Variants in ABLIM3 observed in about 807,000 individuals in gnomAD.
ABLIM3 encodes the protein actin binding LIM protein family member 3.
A neutral mutation model predicts 109.5 loss-of-function variants in ABLIM3; 61 were observed. The ratio of observed to expected loss-of-function variants is 0.56; its 90% CI spans 0.45 to 0.69. ABLIM3 has a LOEUF of 0.69. ABLIM3 is among the 30% of genes least tolerant of loss of function. The probability of loss-of-function intolerance (pLI) is 0.00; values close to 1 mark genes in which losing one functional copy is unlikely to be tolerated. For missense variants in ABLIM3, 796 were observed against 889.5 expected (o/e 0.89, Z 1.34); for synonymous variants, 300 against 324.8 (o/e 0.92, Z 0.82).
intron 6 of ABLIM3, among the ~76,000 whole-genome samples, chr5:149,209,389 C>T (rs1262982828): frequency 6.6e-6 from 1 of 152,198 alleles, no homozygotes; most frequent in Admixed American, 6.5e-5. Flanking sequence ...CCTATGTGAC[C>T]TTGGCAAGGG....
At chr5:149,197,468 A>AT (rs747616192) in intron 3 of ABLIM3, among the ~76,000 whole-genome samples, 3 of 152,030 alleles carry the variant, frequency 2.0e-5, no homozygotes, top group Non-Finnish European at 2.9e-5. Flanking sequence ...GATATGGGAC[A>AT]TTTTTTCTAT....
Position 149,259,627 on chromosome 5 carries a change from C to A in ABLIM3, c.*1223C>A, listed in dbSNP as rs547814840. 6.6e-7 allele frequency: 1 copy of A among 1,522,742 alleles called. No individual in the cohort carries two copies. Among genetic ancestry groups the A allele is most frequent in the East Asian group, 2.4e-5 (1 of 40,834 alleles). 94.3% of individuals were successfully genotyped at this position (1,522,742 alleles called of 1,614,324 possible). A position where few individuals can be genotyped will look rare whatever the true frequency, so the allele number is the denominator to read the frequency against. On this transcript the variant is annotated 3_prime_UTR_variant, in exon 24 of 24. Coordinates refer to ENST00000309868, the MANE Select transcript of ABLIM3 (RefSeq NM_014945.5). ...ACCGCTCATGGCCATCCTGGATTTTCCCAGTGGCTTCCCTTCCTGCTCGCC... is the reference window on the plus strand; with the variant it reads ...ACCGCTCATGGCCATCCTGGATTTTACCAGTGGCTTCCCTTCCTGCTCGCC...
intron 18 of ABLIM3, among the ~76,000 whole-genome samples, chr5:149,248,506 A>C (rs571607244): frequency 7.9e-5 from 12 of 152,108 alleles, no homozygotes; most frequent in African/African-American, 2.7e-4. Flanking sequence ...CCTGGCTAAC[A>C]TGGTGAAACC....
chr5:149,197,698 A>C (rs184303163), intron 3 of ABLIM3, among the ~76,000 whole-genome samples: 1 of 152,138 alleles, frequency 6.6e-6, no homozygotes, highest in Non-Finnish European at 1.5e-5. Flanking sequence ...AATCATGCAC[A>C]TAGGAAGTAC....
chr5:149,170,607 C>A (rs1472450312), intron 2 of ABLIM3, among the ~76,000 whole-genome samples: 1 of 152,168 alleles, frequency 6.6e-6, no homozygotes, highest in African/African-American at 2.4e-5. Flanking sequence ...ATGTCCACTA[C>A]ATTTGTGGGT....
chr5:149,258,464 G>A lies in ABLIM3; in HGVS notation c.*60G>A, dbSNP rs1581264406. The A allele has an allele frequency of 1.3e-6, 2 of 1,535,778 alleles. No individual in the cohort carries two copies. Among genetic ancestry groups the A allele is most frequent in the East Asian group, 2.5e-5 (1 of 40,470 alleles). On this transcript the variant is annotated 3_prime_UTR_variant, in exon 24 of 24. Coordinates refer to ENST00000309868, the MANE Select transcript of ABLIM3 (RefSeq NM_014945.5). ...AAGATATATGTAAAATCTCTCTACT[G>A]AAGCTCGGTATAATCCTCTCTTGTG...
intron 2 of ABLIM3, chr5:149,177,141 A>T (rs1206040036): frequency 6.6e-6 from 1 of 152,240 alleles, no homozygotes; most frequent in Non-Finnish European, 1.5e-5. Flanking sequence ...CCTGGCACTG[A>T]GGTGTAATGG....
intron 14 of ABLIM3, among the ~76,000 whole-genome samples, chr5:149,241,412 A>G (rs574033920): frequency 8.6e-4 from 131 of 152,350 alleles, no homozygotes; most frequent in African/African-American, 3.0e-3. Flanking sequence ...GAGAGAGGCC[A>G]GGCTAGATGG....
chr5:149,169,098 C>T (rs537720995), intron 2 of ABLIM3, among the ~76,000 whole-genome samples: 2 of 129,034 alleles, frequency 1.5e-5, no homozygotes, highest in South Asian at 5.1e-4. Flanking sequence ...CCCCCACCCC[C>T]CGTCTCACCC....
At chr5:149,150,170 A>G (rs1753298655) in intron 2 of ABLIM3, among the ~76,000 whole-genome samples, 1 of 152,168 alleles carries the variant, frequency 6.6e-6, no homozygotes, top group South Asian at 2.1e-4. Flanking sequence ...AAGCAGGCAG[A>G]ACGGATCTGG....
At chr5:149,165,711 T>A (rs1754759809) in intron 2 of ABLIM3, among the ~76,000 whole-genome samples, 1 of 152,200 alleles carries the variant, frequency 6.6e-6, no homozygotes, top group African/African-American at 2.4e-5. Context: ...TTCTCCCTGC[T>A]CACTCATTCT....
chr5:149,233,369 G>A lies in ABLIM3; in HGVS notation c.888+69G>A, dbSNP rs1762051310. 18 of 1,485,500 alleles carry A rather than the reference G, an allele frequency of 1.2e-5. No individual in the cohort carries two copies. In the South Asian group the frequency reaches 2.0e-4, roughly 17 times the overall value. The allele number at this position is 1,485,500 out of a possible 1,614,324, so 92.0% of individuals were successfully genotyped here. A position where few individuals can be genotyped will look rare whatever the true frequency, so the allele number is the denominator to read the frequency against. On this transcript the variant is annotated intron_variant, in intron 10 of 23. Transcript: ENST00000309868. ...GACCTGGTATATAAAGAGTCACTAA[G>A]GATAAGGGAGCTCTCAAGTTTTCAT...
chr5:149,231,123 C>A (rs769009825), intron 9 of ABLIM3, among the ~76,000 whole-genome samples: 11 of 152,162 alleles, frequency 7.2e-5, no homozygotes, highest in Non-Finnish European at 1.2e-4. Context: ...GATTTTACTC[C>A]TTTAACCCTG....
chr5:149,218,918 C>G (rs1760369745), intron 8 of ABLIM3: 1 of 152,434 alleles, frequency 6.6e-6, no homozygotes, highest in African/African-American at 2.4e-5. Context: ...CCCATGCATA[C>G]TCCCTCCACA....
intron 11 of ABLIM3, among the ~76,000 whole-genome samples, chr5:149,238,669 G>A (rs547199092): frequency 6.6e-6 from 1 of 152,348 alleles, no homozygotes; most frequent in South Asian, 2.1e-4. Flanking sequence ...GTCTTTCTTG[G>A]AAAATTAAGA....
intron 5 of ABLIM3, among the ~76,000 whole-genome samples, chr5:149,202,635 A>G (rs1244788578): frequency 6.6e-6 from 1 of 152,242 alleles, no homozygotes; most frequent in African/African-American, 2.4e-5. Flanking sequence ...GGGGTTTTTT[A>G]AGCTACAATT....
chr5:149,247,355 T>C (rs780450945), intron 17 of ABLIM3, among the ~76,000 whole-genome samples: 6 of 152,190 alleles, frequency 3.9e-5, no homozygotes, highest in Non-Finnish European at 8.8e-5. Flanking sequence ...GAAATAATGG[T>C]ATTTTGAAAC....
chr5:149,219,506 C>T (rs1325715718), intron 8 of ABLIM3: 1 of 152,248 alleles, frequency 6.6e-6, no homozygotes, highest in Non-Finnish European at 1.5e-5. Flanking sequence ...AAAATAGACC[C>T]AGAGAAAAGA....
intron 10 of ABLIM3, 70 bp from the exon 11 acceptor site, chr5:149,237,378 G>T: frequency 1.3e-6 from 2 of 1,505,216 alleles, no homozygotes; most frequent in Admixed American, 2.0e-5. Context: ...TCTTGTTTTT[G>T]TTTCCTCTCT....
Sources: gnomAD v4.1 joint callset for allele counts (sites outside exome capture counted in the v4.1 genomes callset) on GRCh38, gnomAD v4.1.1 for gene constraint, MANE v1.5 for transcripts, NCBI Gene and HGNC (gene_info 2026-07-23, HGNC 2026-07-21) for gene names.